Variants in TTC29 observed in about 807,000 individuals in gnomAD.
TTC29 encodes the protein tetratricopeptide repeat domain 29, also known as tetratricopeptide repeat protein 29.
TTC29 carries 49 observed loss-of-function variants against 58.1 expected under a neutral mutation model. That is an observed-to-expected ratio of 0.84 (90% CI 0.67 to 1.07). The LOEUF is 1.07. TTC29 is among the 50% of genes least tolerant of loss of function. The pLI, the probability that TTC29 is intolerant of heterozygous loss-of-function variation, is 0.00. For missense variants in TTC29, 582 were observed against 555.6 expected, an observed-to-expected ratio of 1.05 and a Z score of -0.48; for synonymous variants, 209 against 196.8, an observed-to-expected ratio of 1.06 and a Z score of -0.52.
At chr4:146,846,727 G>C (rs1729196772) in intron 8 of TTC29, among the ~76,000 whole-genome samples, 1 of 152,130 alleles carries the variant, frequency 6.6e-6, no homozygotes, top group Non-Finnish European at 1.5e-5. Flanking sequence ...CACATGAACT[G>C]ATTACCATGA....
intron 8 of TTC29, among the ~76,000 whole-genome samples, chr4:146,861,884 T>C (rs550556024): frequency 2.6e-5 from 4 of 152,258 alleles, no homozygotes; most frequent in African/African-American, 9.6e-5. Flanking sequence ...CACTGAGAAT[T>C]TGAAAATATT....
At chr4:146,843,728 T>G (rs1418522093) in intron 8 of TTC29, among the ~76,000 whole-genome samples, 10 of 152,220 alleles carry the variant, frequency 6.6e-5, no homozygotes, top group Non-Finnish European at 1.5e-4. Context: ...TCTTTAATAA[T>G]CAAACATATG....
intron 10 of TTC29, among the ~76,000 whole-genome samples, chr4:146,819,306 C>T (rs1055445931): frequency 1.3e-5 from 2 of 152,056 alleles, no homozygotes; most frequent in African/African-American, 2.4e-5. Flanking sequence ...GTTTTTAACT[C>T]AAGCAGTGTG....
At chr4:146,877,694 C>T (rs564254155) in intron 6 of TTC29, among the ~76,000 whole-genome samples, 32 of 152,062 alleles carry the variant, frequency 2.1e-4, no homozygotes, top group Non-Finnish European at 4.0e-4. Context: ...TTTCATCTAG[C>T]GTCCATCTAT....
chr4:146,726,473 A>G (rs960554260), intron 11 of TTC29, among the ~76,000 whole-genome samples: 1 of 152,122 alleles, frequency 6.6e-6, no homozygotes, highest in African/African-American at 2.4e-5. Context: ...TATTTGACTC[A>G]GTACCTACCT....
At chr4:146,816,501 G>A (rs1445585202) in intron 10 of TTC29, among the ~76,000 whole-genome samples, 2 of 151,924 alleles carry the variant, frequency 1.3e-5, no homozygotes, top group Non-Finnish European at 2.9e-5. Context: ...GGGAGGACTC[G>A]AAAAAAGAGG....
At chr4:146,941,718 G>T (rs988394992) in intron 2 of TTC29, among the ~76,000 whole-genome samples, 1 of 152,118 alleles carries the variant, frequency 6.6e-6, no homozygotes, top group Non-Finnish European at 1.5e-5. Flanking sequence ...TCTTATTGAG[G>T]TAAGAATCCA....
chr4:146,816,868 C>T (rs1409639047), intron 10 of TTC29, among the ~76,000 whole-genome samples: 2 of 152,072 alleles, frequency 1.3e-5, no homozygotes, highest in African/African-American at 2.4e-5. Context: ...GAAATAAAGT[C>T]AATTTTATGG....
intron 11 of TTC29, among the ~76,000 whole-genome samples, chr4:146,745,852 C>A (rs188598756): frequency 6.6e-6 from 1 of 152,316 alleles, no homozygotes; most frequent in East Asian, 1.9e-4. Flanking sequence ...TGGTGATAGG[C>A]TAATTTGTTT....
At chr4:146,737,448 G>A (rs2150029080) in intron 11 of TTC29, among the ~76,000 whole-genome samples, 1 of 152,204 alleles carries the variant, frequency 6.6e-6, no homozygotes, top group Non-Finnish European at 1.5e-5. Flanking sequence ...TGTTCCTTTT[G>A]CACCCTCTCA....
intron 8 of TTC29, among the ~76,000 whole-genome samples, chr4:146,837,287 A>C (rs1728572783): frequency 6.6e-6 from 1 of 152,070 alleles, no homozygotes; most frequent in Non-Finnish European, 1.5e-5. Flanking sequence ...AGTGGGTGCT[A>C]AATGATGGGA....
At position 146,870,994 on chromosome 4, in the gene TTC29, CAGT is replaced by C. The variant is rs142664131; in HGVS notation, c.800-3414_800-3412del. 3.1e-3 allele frequency among the ~76,000 whole-genome samples: 469 copies of C among 151,912 alleles called. 1 individual carries two copies. Among genetic ancestry groups the C allele is most frequent in the African/African-American group, 0.01 (431 of 41,510 alleles). On this transcript the variant is annotated intron_variant, in intron 7 of 12. Coordinates refer to ENST00000325106, the MANE Select transcript of TTC29 (RefSeq NM_031956.4). ...CACCTCCCAAATCATTCTGCGAGAC[CAGT>C]ATTATTTTGACATCAAACCAAAGAC...
chr4:146,843,442 A>C (rs1238561461), intron 8 of TTC29, among the ~76,000 whole-genome samples: 1 of 152,154 alleles, frequency 6.6e-6, no homozygotes, highest in African/African-American at 2.4e-5. Flanking sequence ...CCTGAAATCC[A>C]TGACTCATCA....
intron 11 of TTC29, among the ~76,000 whole-genome samples, chr4:146,728,377 C>A (rs1025347659): frequency 1.3e-5 from 2 of 151,736 alleles, no homozygotes; most frequent in Non-Finnish European, 2.9e-5. Context: ...AAGTTGTTTG[C>A]AATCTTTTGT....
chr4:146,748,183 A>G (rs935665884), intron 11 of TTC29, among the ~76,000 whole-genome samples: 1 of 152,208 alleles, frequency 6.6e-6, no homozygotes, highest in Non-Finnish European at 1.5e-5. Flanking sequence ...CTGTGCCTCC[A>G]GAGCATCCCT....
intron 11 of TTC29, among the ~76,000 whole-genome samples, chr4:146,757,434 A>G (rs1746538077): frequency 6.6e-6 from 1 of 152,162 alleles, no homozygotes; most frequent in Non-Finnish European, 1.5e-5. Flanking sequence ...GTTGCTAGAG[A>G]TCTAGACATC....
intron 6 of TTC29, among the ~76,000 whole-genome samples, chr4:146,887,600 G>A (rs988992130): frequency 6.6e-6 from 1 of 151,874 alleles, no homozygotes; most frequent in African/African-American, 2.4e-5. Flanking sequence ...ATCAAATTAG[G>A]GTTTAGACTA....
intron 11 of TTC29, among the ~76,000 whole-genome samples, chr4:146,802,719 G>A (rs1307932948): frequency 6.6e-6 from 1 of 152,116 alleles, no homozygotes; most frequent in Non-Finnish European, 1.5e-5. Context: ...TTTGAGTTAT[G>A]CCAAAATATT....
At chr4:146,806,680 A>G (rs1264430150) in intron 10 of TTC29, among the ~76,000 whole-genome samples, 5 of 152,220 alleles carry the variant, frequency 3.3e-5, no homozygotes, top group Non-Finnish European at 4.4e-5. Context: ...TGAAGCAAGA[A>G]GAGCTAACTA....
Sources: allele counts gnomAD v4.1 joint callset (sites outside exome capture counted in the v4.1 genomes callset), GRCh38; gene constraint gnomAD v4.1.1; transcripts MANE v1.5; gene names NCBI Gene and HGNC (gene_info 2026-07-23, HGNC 2026-07-21).